The following TEC variants were observed in gnomAD, a reference collection of about 807,000 sequenced individuals.
TEC encodes the protein tec protein tyrosine kinase, also known as tyrosine-protein kinase Tec.
Under a neutral mutation model 93.0 loss-of-function variants are expected in TEC, and 72 were observed. The ratio of observed to expected loss-of-function variants is 0.77; its 90% confidence interval spans 0.64 to 0.94. The LOEUF (loss-of-function observed/expected upper bound fraction) is 0.94, where lower values mean the gene tolerates loss of function less well. TEC is among the 40% of genes least tolerant of loss of function. The pLI, the probability that TEC is intolerant of heterozygous loss-of-function variation, is 0.00. For missense variants in TEC, 630 were observed against 757.9 expected, an observed-to-expected ratio of 0.83 and a Z score of 1.98; for synonymous variants, 249 against 247.7, an observed-to-expected ratio of 1.01 and a Z score of -0.05.
At chr4:48,175,574 CT>C (rs1721290783) in intron 3 of TEC, among the ~76,000 whole-genome samples, 1 of 152,134 alleles carries the variant, frequency 6.6e-6, no homozygotes, top group African/African-American at 2.4e-5. Flanking sequence ...CCCTCCTCTT[CT>C]GGAGAGGAGA....
intron 2 of TEC, among the ~76,000 whole-genome samples, chr4:48,211,424 T>A (rs1462419958): frequency 6.6e-6 from 1 of 152,006 alleles, no homozygotes; most frequent in Admixed American, 6.6e-5. Context: ...AAAATTTTTT[T>A]AATTATATCT....
At chr4:48,147,111 G>A (rs1230753644) in intron 11 of TEC, among the ~76,000 whole-genome samples, 1 of 151,874 alleles carries the variant, frequency 6.6e-6, no homozygotes, top group African/African-American at 2.4e-5. Context: ...TTGAGATGAC[G>A]GTGAAAAATA....
At chr4:48,211,064 TG>T (rs1205205993) in intron 2 of TEC, among the ~76,000 whole-genome samples, 10 of 152,190 alleles carry the variant, frequency 6.6e-5, no homozygotes, top group Non-Finnish European at 1.3e-4. Context: ...AGTTTAAAGG[TG>T]AGACACAGAG....
At chr4:48,159,150 T>C (rs1577708638) in intron 8 of TEC, among the ~76,000 whole-genome samples, 1 of 150,520 alleles carries the variant, frequency 6.6e-6, no homozygotes. Flanking sequence ...TACACACAGG[T>C]AAAATGTGAC....
intron 1 of TEC, among the ~76,000 whole-genome samples, chr4:48,246,929 C>T (rs116114037): frequency 0.01 from 1,521 of 152,094 alleles, 26 homozygotes; most frequent in African/African-American, 0.035. Context: ...AAAATTTTTG[C>T]GTGACATTAT....
At chr4:48,168,562 T>C in intron 6 of TEC, 24 bp downstream of exon 6, 1 of 1,610,270 alleles carries the variant, frequency 6.2e-7, no homozygotes, top group Non-Finnish European at 8.5e-7. Flanking sequence ...AAAGATTAAC[T>C]ATCAAAAGCT....
intron 2 of TEC, among the ~76,000 whole-genome samples, chr4:48,206,881 C>T (rs534022542): frequency 1.3e-5 from 2 of 151,960 alleles, no homozygotes; most frequent in East Asian, 1.9e-4. Context: ...ATTGGTTGAA[C>T]CCGGGAGGTC....
At chr4:48,227,909 T>C (rs566713718) in intron 2 of TEC, among the ~76,000 whole-genome samples, 12 of 152,262 alleles carry the variant, frequency 7.9e-5, no homozygotes, top group African/African-American at 2.9e-4. Context: ...GCCAGGAGTG[T>C]GCTAACCACA....
chr4:48,180,595 G>A (rs1379308228), intron 2 of TEC, among the ~76,000 whole-genome samples: 2 of 152,180 alleles, frequency 1.3e-5, no homozygotes, highest in Non-Finnish European at 2.9e-5. Flanking sequence ...TTTTCCTACA[G>A]AGATAATGGA....
Position 48,138,824 on chromosome 4 carries a change from T to A in TEC, c.1655-2A>T, listed in dbSNP as rs1719540388. 2 of 1,613,434 alleles carry A rather than the reference T, an allele frequency of 1.2e-6. No individual in the cohort carries two copies. Among genetic ancestry groups the A allele is most frequent in the Non-Finnish European group, 1.7e-6 (2 of 1,179,630 alleles). On this transcript the variant is annotated splice_acceptor_variant, in intron 16 of 17. Coordinates refer to ENST00000381501, the MANE Select transcript of TEC (RefSeq NM_003215.3). LOFTEE classifies it high-confidence loss of function. ...TGAATACTTCCCACATTAAAACACC[T>A]GGAAAAGGATAAGGATTACCAAATG... is the stretch of plus-strand genomic sequence containing the variant.
chr4:48,182,535 C>CTGTGTGTGTGTGTGTGTGTG (rs60434609), intron 2 of TEC, among the ~76,000 whole-genome samples: 2 of 147,234 alleles, frequency 1.4e-5, no homozygotes, highest in Non-Finnish European at 3.0e-5. Flanking sequence ...GGGCAATACT[C>CTGTGTGTGTGTGTGTGTGTG]TGTGTGTGTG....
intron 2 of TEC, among the ~76,000 whole-genome samples, chr4:48,191,682 C>T (rs1722097325): frequency 6.6e-6 from 1 of 151,976 alleles, no homozygotes; most frequent in African/African-American, 2.4e-5. Context: ...GAAATGTAGG[C>T]AATGCAGGGC....
chr4:48,193,577 TAGTG>T (rs1051043752), intron 2 of TEC, among the ~76,000 whole-genome samples: 2 of 152,178 alleles, frequency 1.3e-5, no homozygotes, highest in African/African-American at 4.8e-5. Context: ...TTGGATATGT[TAGTG>T]AGCATCTTTT....
intron 10 of TEC, 63 bp from the exon 11 acceptor site, chr4:48,149,753 GTTTTCTAC>G: frequency 5.3e-6 from 8 of 1,517,242 alleles, no homozygotes; most frequent in Non-Finnish European, 7.1e-6. Flanking sequence ...TTCTTAAGAT[GTTTTCTAC>G]AAGGGCAACC....
chr4:48,177,244 T>A (rs1324654793), intron 2 of TEC, among the ~76,000 whole-genome samples: 1 of 152,108 alleles, frequency 6.6e-6, no homozygotes, highest in African/African-American at 2.4e-5. Flanking sequence ...ACAAACACAA[T>A]GTAGAAATAA....
chr4:48,257,272 T>A (rs1724368374), intron 1 of TEC, among the ~76,000 whole-genome samples: 1 of 152,214 alleles, frequency 6.6e-6, no homozygotes, highest in Non-Finnish European at 1.5e-5. Context: ...AAATTTTAAA[T>A]TACATATGTG....
intron 2 of TEC, among the ~76,000 whole-genome samples, chr4:48,221,469 C>G (rs112330418): frequency 0.033 from 5,084 of 152,270 alleles, 109 homozygotes; most frequent in Non-Finnish European, 0.039. Flanking sequence ...TTGTAAGTTT[C>G]CTGAGGCCTC....
chr4:48,187,122 T>C (rs1721906801), intron 2 of TEC, among the ~76,000 whole-genome samples: 1 of 152,244 alleles, frequency 6.6e-6, no homozygotes. Context: ...TGTTAATCTA[T>C]AACCTTACCC....
chr4:48,219,518 G>A (rs1166530582), intron 2 of TEC, among the ~76,000 whole-genome samples: 2 of 152,204 alleles, frequency 1.3e-5, no homozygotes, highest in Admixed American at 6.5e-5. Context: ...TTTGAAGTTC[G>A]TAGTAGATAG....
Sources: allele counts gnomAD v4.1 joint callset (sites outside exome capture counted in the v4.1 genomes callset), GRCh38; gene constraint gnomAD v4.1.1; transcripts MANE v1.5; gene names NCBI Gene and HGNC (gene_info 2026-07-23, HGNC 2026-07-21).